The following GABRG3 variants were observed in gnomAD, a reference collection of about 807,000 sequenced individuals.
GABRG3 encodes gamma-aminobutyric acid receptor subunit gamma-3.
Under a neutral mutation model 48.8 loss-of-function variants are expected in GABRG3, and 25 were observed. The observed-to-expected ratio is 0.51, with a 90% CI of 0.37 to 0.72. GABRG3 has a LOEUF of 0.72. GABRG3 is among the 30% of genes least tolerant of loss of function. The probability of loss-of-function intolerance (pLI) is 0.00; values close to 1 mark genes in which losing one functional copy is unlikely to be tolerated. For missense variants in GABRG3, 394 were observed against 577.9 expected (o/e 0.68, Z 3.26); for synonymous variants, 227 against 217.6 (o/e 1.04, Z -0.38).
chr15:27,325,219 C>A lies in GABRG3; in HGVS notation c.271-1590C>A, dbSNP rs1035083028. 2.0e-5 allele frequency among the ~76,000 whole-genome samples: 3 copies of A among 152,216 alleles called. 1 individual carries two copies. The highest frequency in any genetic ancestry group is 4.1e-4 in the South Asian group (2 of 4,822). On this transcript the variant is annotated intron_variant, in intron 3 of 9. Coordinates refer to ENST00000615808, the MANE Select transcript of GABRG3 (RefSeq NM_033223.5). ...ACTCACACACACACTTACACACACA[C>A]CTTCACTGTGTGGCTCTGGGTTCAG...
intron 3 of GABRG3, among the ~76,000 whole-genome samples, chr15:27,145,390 A>G (rs1399979356): frequency 6.6e-6 from 1 of 152,166 alleles, no homozygotes; most frequent in African/African-American, 2.4e-5. Context: ...GAGTTGAAAC[A>G]TACCATATTT....
At chr15:27,096,744 T>C (rs1347708204) in intron 3 of GABRG3, among the ~76,000 whole-genome samples, 1 of 152,202 alleles carries the variant, frequency 6.6e-6, no homozygotes, top group Non-Finnish European at 1.5e-5. Context: ...CTTCTTTTTG[T>C]ATTTGTTGTT....
intron 3 of GABRG3, among the ~76,000 whole-genome samples, chr15:27,281,292 A>T (rs1891425220): frequency 6.6e-6 from 1 of 152,092 alleles, no homozygotes; most frequent in Admixed American, 6.6e-5. Context: ...TAATGTAGCT[A>T]TGTATGTGCT....
intron 3 of GABRG3, among the ~76,000 whole-genome samples, chr15:27,165,332 A>T (rs1661082315): frequency 6.6e-6 from 1 of 152,164 alleles, no homozygotes; most frequent in South Asian, 2.1e-4. Flanking sequence ...CCAGGCGCTG[A>T]TCCCCACCAA....
At position 27,369,806 on chromosome 15, in the gene GABRG3, CAAAAA is replaced by C. The variant is rs34901488; in HGVS notation, c.574+40942_574+40946del. On this transcript the variant is annotated intron_variant, in intron 5 of 9. Coordinates refer to ENST00000615808, the MANE Select transcript of GABRG3 (RefSeq NM_033223.5). ...TGGGCGACAGAGTGAGACTCCGTCT[CAAAAA>C]AAAAAAAAAAAAAAAAAAAAAAATT... Among the ~76,000 whole-genome samples, 38 of 30,274 alleles carry C rather than the reference CAAAAA, an allele frequency of 1.3e-3. 1 individual carries two copies. Among genetic ancestry groups the C allele is most frequent in the African/African-American group, 3.0e-3 (33 of 11,134 alleles). The allele number at this position is 30,274 out of a possible 152,430, so 19.9% of individuals were successfully genotyped here.
At chr15:27,389,192 T>C (rs138442680) in intron 5 of GABRG3, among the ~76,000 whole-genome samples, 158 of 152,244 alleles carry the variant, frequency 1.0e-3, no homozygotes, top group African/African-American at 3.4e-3. Flanking sequence ...TCAATTCCAT[T>C]TCATTAAAAT....
chr15:27,474,710 A>T (rs1889883510), intron 5 of GABRG3, among the ~76,000 whole-genome samples: 1 of 152,232 alleles, frequency 6.6e-6, no homozygotes, highest in Admixed American at 6.5e-5. Flanking sequence ...TATGGAAGAC[A>T]GGCTGTATTT....
At chr15:27,340,151 C>CT (rs1894119204) in intron 5 of GABRG3, among the ~76,000 whole-genome samples, 1 of 152,158 alleles carries the variant, frequency 6.6e-6, no homozygotes, top group South Asian at 2.1e-4. Context: ...GGAAGGGACT[C>CT]TAGGTGAAGG....
intron 3 of GABRG3, among the ~76,000 whole-genome samples, chr15:27,263,892 C>G (rs754632834): frequency 8.0e-5 from 12 of 150,396 alleles, no homozygotes; most frequent in Non-Finnish European, 1.8e-4. Context: ...CGCCACTGCA[C>G]TCCAGCCTGG....
At chr15:27,388,454 C>T in intron 5 of GABRG3, among the ~76,000 whole-genome samples, 1 of 150,190 alleles carries the variant, frequency 6.7e-6, no homozygotes, top group East Asian at 2.0e-4. Flanking sequence ...GGCTGTGATT[C>T]AAACATTGCT....
intron 3 of GABRG3, among the ~76,000 whole-genome samples, chr15:27,286,405 A>C (rs1010026030): frequency 2.0e-5 from 3 of 152,208 alleles, no homozygotes; most frequent in Non-Finnish European, 4.4e-5. Flanking sequence ...AGCTTCAAAC[A>C]GTTTCATCTT....
At chr15:27,153,612 T>A (rs1226316575) in intron 3 of GABRG3, among the ~76,000 whole-genome samples, 1 of 152,236 alleles carries the variant, frequency 6.6e-6, no homozygotes, top group African/African-American at 2.4e-5. Context: ...TCCATGAACA[T>A]GGAATATCTT....
intron 3 of GABRG3, among the ~76,000 whole-genome samples, chr15:27,092,153 C>T (rs1897197248): frequency 6.6e-6 from 1 of 152,144 alleles, no homozygotes; most frequent in Non-Finnish European, 1.5e-5. Flanking sequence ...ACGGGAAGCA[C>T]CCTCTGATGT....
chr15:27,370,751 G>A lies in GABRG3; in HGVS notation c.574+41863G>A, dbSNP rs1566810130. ...TGGAAAATAATTAGGAATGACACAT[G>A]AAGTGAGCACTCTGGCACATTCCTC... On this transcript the variant is annotated intron_variant, in intron 5 of 9. Coordinates refer to ENST00000615808, the MANE Select transcript of GABRG3 (RefSeq NM_033223.5). 2.0e-5 allele frequency among the ~76,000 whole-genome samples: 3 copies of A among 152,226 alleles called. No individual in the cohort carries two copies. In the South Asian group the frequency reaches 6.2e-4, roughly 32 times the overall value.
intron 3 of GABRG3, among the ~76,000 whole-genome samples, chr15:27,313,375 G>GAAAT (rs1294611995): frequency 7.1e-6 from 1 of 141,672 alleles, no homozygotes; most frequent in African/African-American, 2.6e-5. Flanking sequence ...GACACCGATA[G>GAAAT]AAATACATAG....
chr15:27,372,969 C>A (rs62001343), intron 5 of GABRG3, among the ~76,000 whole-genome samples: 23,411 of 152,198 alleles, frequency 0.15, 2,819 homozygotes, highest in African/African-American at 0.34. Flanking sequence ...CTCCAGCAAG[C>A]TATTTTCTCA....
chr15:27,470,726 T>A (rs965009321), intron 5 of GABRG3, among the ~76,000 whole-genome samples: 2 of 152,162 alleles, frequency 1.3e-5, no homozygotes, highest in African/African-American at 4.8e-5. Flanking sequence ...TTGCCATTTT[T>A]ACTTTTCTTA....
intron 3 of GABRG3, among the ~76,000 whole-genome samples, chr15:27,061,444 CTCT>C (rs1312062141): frequency 1.7e-5 from 2 of 118,070 alleles, no homozygotes; most frequent in Non-Finnish European, 4.3e-5. Flanking sequence ...GAGGTAACTG[CTCT>C]TTTTTTTTTT....
intron 3 of GABRG3, among the ~76,000 whole-genome samples, chr15:27,190,523 T>C (rs1382450125): frequency 1.3e-5 from 2 of 152,188 alleles, no homozygotes. Flanking sequence ...TAGAGGTGTT[T>C]GTAGTATTCT....
Sources: allele counts gnomAD v4.1 joint callset (sites outside exome capture counted in the v4.1 genomes callset), GRCh38; gene constraint gnomAD v4.1.1; transcripts MANE v1.5; gene names NCBI Gene and HGNC (gene_info 2026-07-23, HGNC 2026-07-21).